The following AGMO variants were observed in gnomAD, a reference collection of about 807,000 sequenced individuals.
The protein encoded by AGMO is alkylglycerol monooxygenase.
In AGMO, 75 loss-of-function variants were observed where a neutral mutation model predicts 60.2. The observed-to-expected ratio is 1.25, with a 90% confidence interval of 1.03 to 1.51. AGMO has a LOEUF of 1.51. Among genes scored for constraint, AGMO ranks in the 40% most tolerant of loss-of-function variants. AGMO has a pLI of 0.00. For missense variants in AGMO, 763 were observed against 525.5 expected (o/e 1.45, Z -4.42); for synonymous variants, 261 against 177.1 (o/e 1.47, Z -3.76).
chr7:15,390,887 A>T lies in AGMO; in HGVS notation c.695T>A (p.Ile232Lys), dbSNP rs764772241. The T allele has an allele frequency of 4.4e-6, 7 of 1,602,122 alleles. No individual in the cohort carries two copies. The Admixed American group carries it at 1.0e-4, about 23-fold the overall frequency. Reference sequence around the variant, plus strand: ...AAGAACACCAGCATAATTTTTGTCTATGCAATAACGATTTCTGCCTATGAG... The same window carrying T: ...AAGAACACCAGCATAATTTTTGTCTTTGCAATAACGATTTCTGCCTATGAG... ...RVHHGRNRYC[I>K]DKNYAGVLII... Residue 232 changes from isoleucine (I) to lysine (K), a missense_variant, in exon 7 of 13, where the codon ATA (isoleucine) becomes AAA (lysine). Physicochemically the swap from Ile to Lys is moderately radical, Grantham distance 102. Transcript: ENST00000342526.
intron 5 of AGMO, 83 bp from the exon 6 acceptor site, chr7:15,394,262 CAT>C: frequency 1.9e-6 from 2 of 1,069,892 alleles, no homozygotes; most frequent in Non-Finnish European, 2.8e-6. Context: ...TAGAAACTCA[CAT>C]AAATTAAGAG....
chr7:15,531,339 T>TAC (rs796929438), intron 3 of AGMO, among the ~76,000 whole-genome samples: 65 of 86,350 alleles, frequency 7.5e-4, no homozygotes, highest in African/African-American at 3.6e-3. Flanking sequence ...ATATATTCTA[T>TAC]ATATATTCTA....
chr7:15,458,387 C>T (rs1412791047), intron 3 of AGMO, among the ~76,000 whole-genome samples: 1 of 152,110 alleles, frequency 6.6e-6, no homozygotes, highest in Non-Finnish European at 1.5e-5. Flanking sequence ...TTTTAGATGG[C>T]ACTGACAGTT....
chr7:15,297,906 G>A (rs749334830), intron 12 of AGMO, among the ~76,000 whole-genome samples: 38 of 152,192 alleles, frequency 2.5e-4, no homozygotes, highest in Non-Finnish European at 3.7e-4. Flanking sequence ...ATTCTTATTG[G>A]TTAAATATTT....
chr7:15,206,564 A>T (rs1781444816), intron 12 of AGMO, among the ~76,000 whole-genome samples: 1 of 152,104 alleles, frequency 6.6e-6, no homozygotes, highest in East Asian at 1.9e-4. Context: ...TTAGTTTATA[A>T]ATATATATCA....
At chr7:15,548,294 C>T (rs1386021750) in intron 2 of AGMO, among the ~76,000 whole-genome samples, 16 of 152,068 alleles carry the variant, frequency 1.1e-4, no homozygotes, top group African/African-American at 3.9e-4. Context: ...TCCTCACCAG[C>T]AACGGAACAA....
chr7:15,353,532 GAAACA>G (rs1782338410), intron 12 of AGMO, among the ~76,000 whole-genome samples: 2 of 152,082 alleles, frequency 1.3e-5, no homozygotes, highest in Admixed American at 6.5e-5. Context: ...AAGACTAAAT[GAAACA>G]AAACTACTCA....
chr7:15,381,325 T>C (rs1783674943), intron 10 of AGMO, among the ~76,000 whole-genome samples: 1 of 151,904 alleles, frequency 6.6e-6, no homozygotes, highest in African/African-American at 2.4e-5. Flanking sequence ...CTTAAACACA[T>C]TTACAAGAAA....
In AGMO at chr7:15,469,163, A is replaced by T. The variant is rs371492200; in HGVS notation, c.410-38055T>A. Among the ~76,000 whole-genome samples the T allele has an allele frequency of 3.9e-5, 6 of 152,166 alleles. No individual in the cohort carries two copies. In the East Asian group the frequency reaches 1.2e-3, roughly 29 times the overall value. ...ACAATTTAAAATTATAGCAATCTAGACCAATCTCACATGTGCTTTAGAATT... is the reference window on the plus strand; with the variant it reads ...ACAATTTAAAATTATAGCAATCTAGTCCAATCTCACATGTGCTTTAGAATT... On this transcript the variant is annotated intron_variant, in intron 3 of 12. Coordinates refer to ENST00000342526, the MANE Select transcript of AGMO (RefSeq NM_001004320.2).
intron 3 of AGMO, among the ~76,000 whole-genome samples, chr7:15,495,508 T>C (rs1199007226): frequency 3.3e-5 from 5 of 152,188 alleles, no homozygotes; most frequent in African/African-American, 1.2e-4. Context: ...GGGGGGATTT[T>C]GTAAGCTTTA....
At chr7:15,239,885 G>C (rs1483564233) in intron 12 of AGMO, among the ~76,000 whole-genome samples, 1 of 152,044 alleles carries the variant, frequency 6.6e-6, no homozygotes, top group Non-Finnish European at 1.5e-5. Context: ...TTATGATTTT[G>C]TCTAGGACAT....
intron 12 of AGMO, among the ~76,000 whole-genome samples, chr7:15,269,143 TA>T (rs1403726195): frequency 6.6e-6 from 1 of 152,116 alleles, no homozygotes; most frequent in African/African-American, 2.4e-5. Flanking sequence ...CAGAAATTAC[TA>T]AAAGTGGTTG....
chr7:15,383,635 AGATTC>A (rs371276158), intron 10 of AGMO, among the ~76,000 whole-genome samples: 115 of 152,260 alleles, frequency 7.6e-4, no homozygotes, highest in Non-Finnish European at 1.5e-3. Flanking sequence ...ATCCTAGATT[AGATTC>A]ATTTTTCAGC....
At chr7:15,499,846 T>C (rs1783329415) in intron 3 of AGMO, among the ~76,000 whole-genome samples, 1 of 151,120 alleles carries the variant, frequency 6.6e-6, no homozygotes, top group African/African-American at 2.4e-5. Flanking sequence ...AGAAAAGCAA[T>C]GTACAAATTA....
intron 3 of AGMO, among the ~76,000 whole-genome samples, chr7:15,488,970 T>C (rs1002555825): frequency 7.9e-5 from 12 of 152,180 alleles, no homozygotes; most frequent in Admixed American, 6.5e-5. Flanking sequence ...ACTGAATGAC[T>C]TGGAAAAGTT....
chr7:15,535,181 A>G (rs1784457685), intron 3 of AGMO, among the ~76,000 whole-genome samples: 2 of 151,760 alleles, frequency 1.3e-5, no homozygotes, highest in Non-Finnish European at 2.9e-5. Flanking sequence ...CTTACTCTCT[A>G]TTTACAGAGC....
At chr7:15,370,034 A>C (rs948397658) in intron 10 of AGMO, among the ~76,000 whole-genome samples, 1 of 152,060 alleles carries the variant, frequency 6.6e-6, no homozygotes, top group South Asian at 2.1e-4. Flanking sequence ...TGTACCCAAC[A>C]ATTAGTTTTC....
At chr7:15,286,571 AG>A (rs1277678526) in intron 12 of AGMO, among the ~76,000 whole-genome samples, 2 of 152,084 alleles carry the variant, frequency 1.3e-5, no homozygotes, top group African/African-American at 4.8e-5. Context: ...AGTCAAAAAA[AG>A]AATAGATGTT....
At chr7:15,505,941 T>G (rs1026791568) in intron 3 of AGMO, among the ~76,000 whole-genome samples, 4 of 152,044 alleles carry the variant, frequency 2.6e-5, no homozygotes, top group Admixed American at 6.6e-5. Flanking sequence ...AAATGAAGAG[T>G]TCACCTACAT....
Sources: allele counts gnomAD v4.1 joint callset (sites outside exome capture counted in the v4.1 genomes callset), GRCh38; gene constraint gnomAD v4.1.1; transcripts MANE v1.5; gene names NCBI Gene and HGNC (gene_info 2026-07-23, HGNC 2026-07-21).